FARS2: variants seen among roughly 807,000 people sequenced by gnomAD.
FARS2 encodes the protein phenylalanyl-tRNA synthetase 2, mitochondrial.
In FARS2, 40 loss-of-function variants were observed where a neutral mutation model predicts 46.4. The ratio of observed to expected loss-of-function variants is 0.86; its 90% CI spans 0.67 to 1.12. The LOEUF (loss-of-function observed/expected upper bound fraction) is 1.12, where lower values mean the gene tolerates loss of function less well. FARS2 is among the 50% of genes most tolerant of loss of function. The pLI is 0.00. For synonymous variants in FARS2, 234 were observed against 214.9 expected, an observed-to-expected ratio of 1.09 and a Z score of -0.78; for missense variants, 513 against 567.9, an observed-to-expected ratio of 0.90 and a Z score of 0.98.
At chr6:5,762,724 C>T (rs1173232218) in intron 6 of FARS2, among the ~76,000 whole-genome samples, 2 of 152,218 alleles carry the variant, frequency 1.3e-5, no homozygotes, top group African/African-American at 4.8e-5. Context: ...GCCCTGCCTC[C>T]ATCAAGGCCT....
chr6:5,649,312 G>A (rs573243200), intron 6 of FARS2, among the ~76,000 whole-genome samples: 1 of 152,122 alleles, frequency 6.6e-6, no homozygotes, highest in Non-Finnish European at 1.5e-5. Context: ...AATATAAATA[G>A]ATCATTTATC....
intron 4 of FARS2, among the ~76,000 whole-genome samples, chr6:5,525,505 G>A: frequency 6.6e-6 from 1 of 152,186 alleles, no homozygotes; most frequent in East Asian, 1.9e-4. Flanking sequence ...TTGACCACAT[G>A]CCTCTAATCA....
chr6:5,431,536 G>A (rs968383372), intron 4 of FARS2: 31 of 441,852 alleles, frequency 7.0e-5, no homozygotes, highest in Non-Finnish European at 6.1e-5. Flanking sequence ...CAAAGACAAT[G>A]CATAATCCAT....
At chr6:5,687,092 G>A (rs367956893) in intron 6 of FARS2, among the ~76,000 whole-genome samples, 9 of 152,086 alleles carry the variant, frequency 5.9e-5, no homozygotes, top group Admixed American at 3.3e-4. Context: ...TAGATTCTGG[G>A]TATTAGCCCT....
At chr6:5,690,086 G>A (rs1256867503) in intron 6 of FARS2, among the ~76,000 whole-genome samples, 2 of 152,236 alleles carry the variant, frequency 1.3e-5, no homozygotes, top group Middle Eastern at 3.4e-3. Flanking sequence ...TTGAGCCTAT[G>A]TGTGTCTCTG....
intron 3 of FARS2, among the ~76,000 whole-genome samples, chr6:5,427,793 A>G (rs980025697): frequency 1.3e-5 from 2 of 152,218 alleles, no homozygotes; most frequent in Admixed American, 1.3e-4. Flanking sequence ...GGAAGAAGAA[A>G]CTGAGGGCTT....
At chr6:5,694,481 C>T (rs1159845172) in intron 6 of FARS2, among the ~76,000 whole-genome samples, 3 of 152,160 alleles carry the variant, frequency 2.0e-5, no homozygotes, top group African/African-American at 7.2e-5. Context: ...ACTCTGTTCT[C>T]TGTTAAAGTA....
At chr6:5,557,429 AG>A (rs1771725999) in intron 5 of FARS2, among the ~76,000 whole-genome samples, 1 of 152,274 alleles carries the variant, frequency 6.6e-6, no homozygotes, top group East Asian at 1.9e-4. Flanking sequence ...CATAAGAGTG[AG>A]GGAGAGTTTT....
chr6:5,348,255 G>A (rs1438566904), intron 1 of FARS2, among the ~76,000 whole-genome samples: 5 of 152,018 alleles, frequency 3.3e-5, no homozygotes, highest in Non-Finnish European at 7.4e-5. Context: ...AGGTATGAAA[G>A]CATTCTCATA....
rs1765814203 is a variant in FARS2 at position 5,471,689 on chromosome 6, T to G, written c.904+40517T>G. ...TATTGCCTAGTGTAGGCAGATCATA[T>G]TCTGTATGATCTTGTTGGCTCATAT... On this transcript the variant is annotated intron_variant, in intron 4 of 6. Coordinates refer to ENST00000274680, the MANE Select transcript of FARS2 (RefSeq NM_006567.5). This position sits in a 1 kb window ranked among gnomAD's most constrained non-coding sequence, Gnocchi z 4.1. Among the ~76,000 whole-genome samples, 1 of 152,194 alleles carries G rather than the reference T, an allele frequency of 6.6e-6. No homozygotes were observed. Among genetic ancestry groups the G allele is most frequent in the Non-Finnish European group, 1.5e-5 (1 of 68,030 alleles).
At chr6:5,520,133 G>A (rs1227697719) in intron 4 of FARS2, among the ~76,000 whole-genome samples, 1 of 152,198 alleles carries the variant, frequency 6.6e-6, no homozygotes, top group African/African-American at 2.4e-5. Context: ...CCTAGGGTGA[G>A]CAAAACCTGA....
chr6:5,708,248 G>T (rs1165364072), intron 6 of FARS2, among the ~76,000 whole-genome samples: 1 of 152,150 alleles, frequency 6.6e-6, no homozygotes, highest in African/African-American at 2.4e-5. Flanking sequence ...AGATTTGCCC[G>T]GGAGATGGGA....
At chr6:5,739,304 T>A (rs1171283277) in intron 6 of FARS2, among the ~76,000 whole-genome samples, 3 of 148,306 alleles carry the variant, frequency 2.0e-5, no homozygotes, top group Non-Finnish European at 4.4e-5. Flanking sequence ...AAGACTAGCT[T>A]GGGCAACATA....
At chr6:5,432,325 AAAATAT>A (rs1159491158) in intron 4 of FARS2, among the ~76,000 whole-genome samples, 25 of 47,318 alleles carry the variant, frequency 5.3e-4, no homozygotes, top group African/African-American at 1.2e-3. Context: ...AAAAAAAAAA[AAAATAT>A]ATATATATAT....
chr6:5,646,167 G>A (rs1300906620), intron 6 of FARS2, among the ~76,000 whole-genome samples: 1 of 152,182 alleles, frequency 6.6e-6, no homozygotes, highest in African/African-American at 2.4e-5. Context: ...GGTAAAAATG[G>A]TGAGATTTGC....
At chr6:5,670,800 A>G (rs1243541511) in intron 6 of FARS2, among the ~76,000 whole-genome samples, 1 of 152,124 alleles carries the variant, frequency 6.6e-6, no homozygotes, top group Non-Finnish European at 1.5e-5. Context: ...AAAGCTTATC[A>G]CATTGTTCAT....
chr6:5,521,106 T>C (rs73356375), intron 4 of FARS2, among the ~76,000 whole-genome samples: 16,807 of 152,008 alleles, frequency 0.11, 979 homozygotes, highest in Admixed American at 0.16. Flanking sequence ...GTTTCCCTTT[T>C]AAATTATTTT....
chr6:5,530,629 C>G (rs1769761624), intron 4 of FARS2, among the ~76,000 whole-genome samples: 1 of 147,692 alleles, frequency 6.8e-6, no homozygotes, highest in Non-Finnish European at 1.5e-5. Context: ...TCTCAGATGA[C>G]TTAAATTATT....
chr6:5,412,782 T>C (rs918769305), intron 3 of FARS2, among the ~76,000 whole-genome samples: 1 of 152,222 alleles, frequency 6.6e-6, no homozygotes, highest in African/African-American at 2.4e-5. Context: ...CTGGCTGCTG[T>C]TGCCTGGCTT....
Sources: allele counts gnomAD v4.1 joint callset (sites outside exome capture counted in the v4.1 genomes callset), GRCh38; gene constraint gnomAD v4.1.1; non-coding constraint Gnocchi (gnomAD v3.1); transcripts MANE v1.5; gene names NCBI Gene and HGNC (gene_info 2026-07-23, HGNC 2026-07-21).